RHBDD1: variants seen among roughly 807,000 people sequenced by gnomAD.
The protein encoded by RHBDD1 is rhomboid-related protein 4.
A neutral mutation model predicts 36.3 loss-of-function variants in RHBDD1; 38 were observed. The ratio of observed to expected loss-of-function variants is 1.05; its 90% confidence interval spans 0.81 to 1.37. RHBDD1 has a LOEUF of 1.37. RHBDD1 is among the 40% of genes most tolerant of loss of function. The pLI, the probability that RHBDD1 is intolerant of heterozygous loss-of-function variation, is 0.00. For missense variants in RHBDD1, 393 were observed against 377.6 expected (o/e 1.04, Z -0.34); for synonymous variants, 151 against 136.5 (o/e 1.11, Z -0.74).
chr2:226,880,755 T>G (rs1228888103), intron 5 of RHBDD1, among the ~76,000 whole-genome samples: 1 of 152,216 alleles, frequency 6.6e-6, no homozygotes, highest in Non-Finnish European at 1.5e-5. Context: ...CTTTAGGTAT[T>G]CTTTTCAAAG....
intron 5 of RHBDD1, among the ~76,000 whole-genome samples, chr2:226,871,808 C>T (rs897090752): frequency 2.0e-5 from 3 of 152,142 alleles, no homozygotes; most frequent in African/African-American, 4.8e-5. Context: ...TGTTGCATTA[C>T]GTCAGGAAGG....
chr2:226,994,373 TTGAA>T (rs1958937688), intron 8 of RHBDD1, among the ~76,000 whole-genome samples: 1 of 152,122 alleles, frequency 6.6e-6, no homozygotes, highest in Non-Finnish European at 1.5e-5. Context: ...GTGGTGATGA[TTGAA>T]TGAAGACAAA....
At chr2:226,979,276 TCA>T (rs1955175339) in intron 8 of RHBDD1, among the ~76,000 whole-genome samples, 1 of 152,080 alleles carries the variant, frequency 6.6e-6, no homozygotes, top group East Asian at 1.9e-4. Flanking sequence ...TAGGTTCTTG[TCA>T]CACAACCAGG....
chr2:226,985,449 C>T (rs971393689), intron 8 of RHBDD1, among the ~76,000 whole-genome samples: 7 of 152,216 alleles, frequency 4.6e-5, no homozygotes, highest in Non-Finnish European at 7.3e-5. Flanking sequence ...GCTTACGATG[C>T]GGAATGCTTT....
chr2:226,966,088 A>G (rs1263691868), intron 8 of RHBDD1, among the ~76,000 whole-genome samples: 2 of 152,206 alleles, frequency 1.3e-5, no homozygotes, highest in Admixed American at 1.3e-4. Flanking sequence ...AAATCAATAA[A>G]TGTGACTCGC....
chr2:226,905,183 A>G (rs1267103710), intron 5 of RHBDD1, among the ~76,000 whole-genome samples: 1 of 148,250 alleles, frequency 6.7e-6, no homozygotes, highest in Non-Finnish European at 1.5e-5. Flanking sequence ...TAAGCTTCTA[A>G]TTTTGTATAA....
chr2:226,938,592 G>A (rs1575167659), intron 8 of RHBDD1, among the ~76,000 whole-genome samples: 1 of 152,042 alleles, frequency 6.6e-6, no homozygotes, highest in Admixed American at 6.6e-5. Context: ...AATCCCTGAA[G>A]AGACCAATAA....
At chr2:226,813,798 G>A in the RHBDD1 span, among the ~76,000 whole-genome samples, 1 of 151,948 alleles carries the variant, frequency 6.6e-6, no homozygotes, top group African/African-American at 2.4e-5. Context: ...ATTTTAAATG[G>A]GATTAGTCAC....
intron 8 of RHBDD1, among the ~76,000 whole-genome samples, chr2:226,925,303 A>C (rs932507283): frequency 6.6e-6 from 1 of 152,232 alleles, no homozygotes; most frequent in Non-Finnish European, 1.5e-5. Context: ...AATTAAATTT[A>C]GTAACAAAAA....
intron 8 of RHBDD1, among the ~76,000 whole-genome samples, chr2:226,934,716 A>C (rs2149119086): frequency 6.6e-6 from 1 of 152,280 alleles, no homozygotes; most frequent in South Asian, 2.1e-4. Flanking sequence ...GAGGCAGCTG[A>C]TACCACAGTA....
chr2:226,934,350 C>CT (rs1950210817), intron 8 of RHBDD1, among the ~76,000 whole-genome samples: 1 of 152,092 alleles, frequency 6.6e-6, no homozygotes, highest in Non-Finnish European at 1.5e-5. Context: ...TTTATAATGA[C>CT]TGCACAATGA....
At chr2:226,964,574 A>G (rs144157810) in intron 8 of RHBDD1, among the ~76,000 whole-genome samples, 5 of 152,282 alleles carry the variant, frequency 3.3e-5, no homozygotes, top group African/African-American at 4.8e-5. Context: ...GCAACTTCCA[A>G]ATTTATCTCT....
intron 8 of RHBDD1, among the ~76,000 whole-genome samples, chr2:226,916,086 T>C (rs920502591): frequency 3.3e-5 from 5 of 152,172 alleles, no homozygotes; most frequent in African/African-American, 1.2e-4. Flanking sequence ...CAGCATAAGG[T>C]TTACAGGAGA....
intron 5 of RHBDD1, among the ~76,000 whole-genome samples, chr2:226,889,515 C>T (rs937861535): frequency 5.9e-5 from 9 of 152,116 alleles, no homozygotes; most frequent in African/African-American, 1.9e-4. Flanking sequence ...AACAAAACCT[C>T]GTAGCAGACT....
chr2:226,877,244 T>A (rs1461005142), intron 5 of RHBDD1, among the ~76,000 whole-genome samples: 3 of 152,230 alleles, frequency 2.0e-5, no homozygotes, highest in Non-Finnish European at 2.9e-5. Flanking sequence ...ATAGATCTTT[T>A]CCCTATATAT....
the RHBDD1 span, among the ~76,000 whole-genome samples, chr2:226,829,832 T>G: frequency 5.1e-4 from 77 of 152,340 alleles, no homozygotes; most frequent in Middle Eastern, 3.4e-3. Context: ...CTATTCAATT[T>G]GATGCCTTTT....
At chr2:226,906,725 A>G (rs985781413) in intron 5 of RHBDD1, 68 bp from the exon 6 acceptor site, 2 of 1,612,796 alleles carry the variant, frequency 1.2e-6, no homozygotes, top group African/African-American at 2.7e-5. Flanking sequence ...CACTGGGCTA[A>G]TGAGAAGACA....
chr2:226,982,208 C>G (rs1955933548), intron 8 of RHBDD1, among the ~76,000 whole-genome samples: 2 of 152,206 alleles, frequency 1.3e-5, no homozygotes, highest in African/African-American at 4.8e-5. Flanking sequence ...ACCTTTGATA[C>G]CAGCCATAAC....
intron 8 of RHBDD1, among the ~76,000 whole-genome samples, chr2:226,985,447 T>C (rs982324211): frequency 2.0e-5 from 3 of 152,260 alleles, no homozygotes; most frequent in Middle Eastern, 3.2e-3. Flanking sequence ...CTGCTTACGA[T>C]GCGGAATGCT....
Sources: allele counts gnomAD v4.1 joint callset (sites outside exome capture counted in the v4.1 genomes callset), GRCh38; gene constraint gnomAD v4.1.1; transcripts MANE v1.5; gene names NCBI Gene and HGNC (gene_info 2026-07-23, HGNC 2026-07-21).